Variants in FHIP2B observed in about 807,000 individuals in gnomAD.
FHIP2B encodes FHF complex subunit HOOK interacting protein 2B, also known as FHF complex subunit HOOK-interacting protein 2B.
A neutral mutation model predicts 84.0 loss-of-function variants in FHIP2B; 72 were observed. That is an observed-to-expected ratio of 0.86 (90% CI 0.71 to 1.04). The LOEUF (loss-of-function observed/expected upper bound fraction) is 1.04. Among genes scored for constraint, FHIP2B ranks in the 50% least tolerant of loss-of-function variants. The pLI is 0.00. For synonymous variants in FHIP2B, 497 were observed against 418.7 expected, an observed-to-expected ratio of 1.19 and a Z score of -2.28; for missense variants, 972 against 968.9, an observed-to-expected ratio of 1.00 and a Z score of -0.04.
chr8:22,089,984 G>T, intron 1 of FHIP2B: 1 of 487,114 alleles, frequency 2.1e-6, no homozygotes, highest in South Asian at 2.0e-5. Flanking sequence ...CCGTGGTGGG[G>T]CCTGGGTGGC....
intron 14 of FHIP2B, 160 bp from the exon 15 acceptor site, chr8:22,102,015 C>T (rs1243206845): frequency 6.6e-7 from 1 of 1,516,526 alleles, no homozygotes; most frequent in Non-Finnish European, 8.8e-7. Flanking sequence ...CACGTCCTAA[C>T]ACGTTCTGGC....
intron 2 of FHIP2B, chr8:22,096,105 T>G (rs960152860): frequency 3.7e-5 from 17 of 465,730 alleles, no homozygotes; most frequent in Non-Finnish European, 5.3e-5. Flanking sequence ...GATAAAGGGC[T>G]GGGCATGCAT....
At position 22,099,842 on chromosome 8, in the gene FHIP2B, C is replaced by T. The variant is rs1320405705; in HGVS notation, c.1290C>T (p.Pro430=). 1 of 1,613,266 alleles carries T rather than the reference C, an allele frequency of 6.2e-7. No homozygotes were observed. Among genetic ancestry groups the T allele is most frequent in the Non-Finnish European group, 8.5e-7 (1 of 1,179,708 alleles). Residue 430 remains proline, a synonymous_variant, in exon 10 of 17, where the codon CCC becomes CCT. Transcript: ENST00000289921. ...DRQPEAPGDN[P]HTLYAHLIGH... is the part of the protein sequence containing the mutation. Reference sequence around the variant, plus strand: ...AGCCTGAAGCCCCCGGGGACAACCCCCACACCCTGTATGCTCATCTCATCG... The same window carrying T: ...AGCCTGAAGCCCCCGGGGACAACCCTCACACCCTGTATGCTCATCTCATCG...
chr8:22,101,135 G>A (rs1767291988), intron 12 of FHIP2B, 163 bp downstream of exon 12: 3 of 882,750 alleles, frequency 3.4e-6, no homozygotes, highest in Admixed American at 5.4e-5. Context: ...CGATTCCTGT[G>A]CCTCAGCCTC....
Position 22,089,213 on chromosome 8 carries a change from C to T in FHIP2B, c.-41C>T, listed in dbSNP as rs1265436536. 1.2e-5 allele frequency: 13 copies of T among 1,053,792 alleles called. No homozygotes were observed. Among genetic ancestry groups the T allele is most frequent in the South Asian group, 8.8e-5 (2 of 22,690 alleles). The allele number at this position is 1,053,792 out of a possible 1,614,324, so 65.3% of individuals were successfully genotyped here. A position where few individuals can be genotyped will look rare whatever the true frequency, so the allele number is the denominator to read the frequency against. On this transcript the variant is annotated 5_prime_UTR_variant, in exon 1 of 17. Coordinates refer to ENST00000289921, the MANE Select transcript of FHIP2B (RefSeq NM_022749.7). Reference sequence around the variant, plus strand: ...CTGCCTCCTCCGCCTAGAGCGCTGCCGCCGCCGCTTTCGCCCGGGAGCCGG... The same window carrying T: ...CTGCCTCCTCCGCCTAGAGCGCTGCTGCCGCCGCTTTCGCCCGGGAGCCGG...
chr8:22,097,631 CG>C lies in FHIP2B; in HGVS notation c.402+13del. On this transcript the variant is annotated intron_variant, in intron 4 of 16. Coordinates refer to ENST00000289921, the MANE Select transcript of FHIP2B (RefSeq NM_022749.7). ...CACAGGCCTGTGCAGGTGAGGGGCC[CG>C]GAAGCCAAGGGGTGTCTGGGTGTGA... 1.9e-6 allele frequency: 3 copies of C among 1,603,658 alleles called. 1 individual carries two copies. In the South Asian group the frequency reaches 3.4e-5, roughly 18 times the overall value.
At position 22,097,540 on chromosome 8, in the gene FHIP2B, G is replaced by A; in HGVS notation, c.322G>A (p.Val108Met). The change falls in exon 4 of 17, where the codon GTG (valine) becomes ATG (methionine). Residue 108 changes from valine (V) to methionine (M), a missense_variant. Transcript: ENST00000289921. ...GTACCCCCCAGGCATGCGGCAGCAG[G>A]TGTTCCAGTTCTTCAGCAAGGTTCT... ...AEYPPGMRQQ[V>M]FQFFSKVLAQ... The A allele has an allele frequency of 6.2e-7, 1 of 1,609,284 alleles. No individual in the cohort carries two copies.
intron 1 of FHIP2B, chr8:22,089,835 G>T: frequency 7.8e-7 from 1 of 1,284,044 alleles, no homozygotes; most frequent in Non-Finnish European, 1.0e-6. Flanking sequence ...AGGCCCTGCC[G>T]GTCCAAGTCC....
At chr8:22,098,366 G>C in intron 6 of FHIP2B, 56 bp downstream of exon 6, 2 of 1,543,350 alleles carry the variant, frequency 1.3e-6, no homozygotes, top group South Asian at 1.2e-5. Context: ...GTTGACGGCT[G>C]GGGGGTGATT....
intron 2 of FHIP2B, 170 bp downstream of exon 2, chr8:22,094,688 G>A: frequency 6.9e-7 from 1 of 1,450,782 alleles, no homozygotes; most frequent in Non-Finnish European, 9.0e-7. Flanking sequence ...CCAGAGCCCT[G>A]GGCCACTCCA....
intron 1 of FHIP2B, among the ~76,000 whole-genome samples, chr8:22,090,264 G>T (rs1198614709): frequency 6.6e-6 from 1 of 152,160 alleles, no homozygotes; most frequent in South Asian, 2.1e-4. Flanking sequence ...TTGAGTATCA[G>T]ATTTTCTCAG....
intron 7 of FHIP2B, 83 bp from the exon 8 acceptor site, chr8:22,098,865 A>C: frequency 8.3e-7 from 1 of 1,207,118 alleles, no homozygotes; most frequent in Non-Finnish European, 1.2e-6. Flanking sequence ...AGGAGAGGGG[A>C]AGGGCCCAGT....
In FHIP2B at chr8:22,099,371, A is replaced by G. The variant is rs1176152774; in HGVS notation, c.1151+11A>G. 1.9e-6 allele frequency: 3 copies of G among 1,612,672 alleles called. No individual in the cohort carries two copies. Among genetic ancestry groups the G allele is most frequent in the East Asian group, 4.5e-5 (2 of 44,868 alleles). ...CCAGCTCCTGCACGTGTAAGTGTCT[A>G]GTTCCCTCAGGCATGACTGTGGTCT... On this transcript the variant is annotated intron_variant, in intron 9 of 16. Transcript: ENST00000289921.
intron 10 of FHIP2B, 129 bp downstream of exon 10, chr8:22,100,022 C>A: frequency 2.1e-6 from 2 of 943,198 alleles, no homozygotes; most frequent in Non-Finnish European, 3.0e-6. Context: ...CAAAACACTG[C>A]CGAGCCACTT....
chr8:22,098,135 G>A lies in FHIP2B; in HGVS notation c.593G>A (p.Ser198Asn), dbSNP rs1382503494. ...ACTGCCCTGCCTAAGGACACAACCAGCCACGGGGACAAGGACTGCTCCCAC... is the reference window on the plus strand; with the variant it reads ...ACTGCCCTGCCTAAGGACACAACCAACCACGGGGACAAGGACTGCTCCCAC... ...EPTALPKDTT[S>N]HGDKDCSHDG... Residue 198 changes from serine (S) to asparagine (N), a missense_variant, in exon 6 of 17, where the codon AGC becomes AAC. Transcript: ENST00000289921. 1 of 1,583,100 alleles carries A rather than the reference G, an allele frequency of 6.3e-7. No individual in the cohort carries two copies. The highest frequency in any genetic ancestry group is 8.6e-7 in the Non-Finnish European group (1 of 1,164,936).
rs1364909740 is a variant in FHIP2B, at chr8:22,100,706, G to T, written c.1454G>T (p.Gly485Val). 3 of 1,604,720 alleles carry T rather than the reference G, an allele frequency of 1.9e-6. No homozygotes were observed. Among genetic ancestry groups the T allele is most frequent in the Non-Finnish European group, 1.7e-6 (2 of 1,174,538 alleles). Residue 485 changes from glycine to valine, a missense_variant, in exon 11 of 17, where the codon GGC (glycine) becomes GTC (valine). Gly to Val is a moderately radical substitution (Grantham distance 109). Coordinates refer to ENST00000289921, the MANE Select transcript of FHIP2B (RefSeq NM_022749.7). ...GAGGGCCGCCCTTACGTGGCCTGGGGCTCACCAGAGCCTGAGAGCTATGAG... is the reference window on the plus strand; with the variant it reads ...GAGGGCCGCCCTTACGTGGCCTGGGTCTCACCAGAGCCTGAGAGCTATGAG... The part of the protein sequence containing the change: ...NLEGRPYVAW[G>V]SPEPESYEDT...
At position 22,104,593 on chromosome 8, in the gene FHIP2B, C is replaced by T. The variant is rs1020322775; in HGVS notation, c.*1662C>T. 6.6e-6 allele frequency: 1 copy of T among 152,248 alleles called. No homozygotes were observed. Among genetic ancestry groups the T allele is most frequent in the African/African-American group, 2.4e-5 (1 of 41,464 alleles). 9.4% of individuals were successfully genotyped at this position (152,248 alleles called of 1,614,324 possible). A position where few individuals can be genotyped will look rare whatever the true frequency, so the allele number is the denominator to read the frequency against. On this transcript the variant is annotated 3_prime_UTR_variant, in exon 17 of 17. Coordinates refer to ENST00000289921, the MANE Select transcript of FHIP2B (RefSeq NM_022749.7). ...CCAGACTCTTGGCGGAGCAGTGCCACTTCTGCTGGGCTGACCTGCAGCGGA... is the reference window on the plus strand; with the variant it reads ...CCAGACTCTTGGCGGAGCAGTGCCATTTCTGCTGGGCTGACCTGCAGCGGA...
chr8:22,091,941 T>G (rs1238263480), intron 1 of FHIP2B, among the ~76,000 whole-genome samples: 1 of 152,218 alleles, frequency 6.6e-6, no homozygotes, highest in East Asian at 1.9e-4. Flanking sequence ...GCAGGCTAGC[T>G]GTAAAACACA....
At position 22,099,699 on chromosome 8, in the gene FHIP2B, C is replaced by A; in HGVS notation, c.1152-5C>A. On this transcript the variant is annotated splice_region_variant and splice_polypyrimidine_tract_variant and intron_variant, in intron 9 of 16. Coordinates refer to ENST00000289921, the MANE Select transcript of FHIP2B (RefSeq NM_022749.7). ...GGGCCTGGCTAAGGTGCCCTCTTCC[C>A]GTAGGTCCGAGCAGAGCATCTTGAC... 2 of 1,566,722 alleles carry A rather than the reference C, an allele frequency of 1.3e-6. 1 individual carries two copies. The highest frequency in any genetic ancestry group is 2.3e-5 in the South Asian group (2 of 86,082).
Sources: allele counts gnomAD v4.1 joint callset (sites outside exome capture counted in the v4.1 genomes callset), GRCh38; gene constraint gnomAD v4.1.1; transcripts MANE v1.5; gene names NCBI Gene and HGNC (gene_info 2026-07-23, HGNC 2026-07-21).